SLC17A2: variants seen among roughly 807,000 people sequenced by gnomAD.
The protein encoded by SLC17A2 is solute carrier family 17 member 2, also known as sodium-dependent phosphate transport protein 3.
Under a neutral mutation model 52.1 loss-of-function variants are expected in SLC17A2, and 38 were observed. The observed-to-expected ratio is 0.73, with a 90% CI of 0.56 to 0.96. The LOEUF is 0.96. Ranked by LOEUF, SLC17A2 falls within the 40% of genes least tolerant of loss-of-function variation. The pLI is 0.00. For synonymous variants in SLC17A2, 226 were observed against 211.9 expected, an observed-to-expected ratio of 1.07 and a Z score of -0.58; for missense variants, 508 against 583.9, an observed-to-expected ratio of 0.87 and a Z score of 1.34.
chr6:25,923,575 CCAGT>C (rs1293908033), intron 3 of SLC17A2, 116 bp downstream of exon 3: 4 of 744,972 alleles, frequency 5.4e-6, no homozygotes, highest in Non-Finnish European at 9.1e-6. Flanking sequence ...AAAAATAGTT[CCAGT>C]CAGTTTTAAT....
In SLC17A2 at chr6:25,913,436, A is replaced by G. The variant is rs1766177779; in HGVS notation, c.1318T>C (p.Trp440Arg). Reference protein sequence around the residue: ...FLISQDFESGWRNVFFLSAAV... With the variant: ...FLISQDFESGRRNVFFLSAAV... ...GCAGACAGGAAAAAGACATTCCTCC[A>G]ACCAGACTCAAAATCCTAGATGTAA... The change falls in exon 12 of 12, where the codon TGG becomes CGG. Residue 440 changes from tryptophan to arginine, a missense_variant. Trp to Arg is a moderately radical substitution (Grantham distance 101). Coordinates refer to ENST00000377850, the MANE Select transcript of SLC17A2 (RefSeq NM_001286123.3). 1 of 1,614,070 alleles carries G rather than the reference A, an allele frequency of 6.2e-7. No individual in the cohort carries two copies. The highest frequency in any genetic ancestry group is 1.3e-5 in the African/African-American group (1 of 75,050).
intron 8 of SLC17A2, among the ~76,000 whole-genome samples, 181 bp from the exon 9 acceptor site, chr6:25,916,049 C>T (rs1386464404): frequency 6.6e-6 from 1 of 152,186 alleles, no homozygotes; most frequent in African/African-American, 2.4e-5. Context: ...AGCTGCATCA[C>T]TCTGGGCTCC....
At chr6:25,925,020 AAG>A (rs762837477) in intron 2 of SLC17A2, among the ~76,000 whole-genome samples, 8 of 151,906 alleles carry the variant, frequency 5.3e-5, no homozygotes, top group Non-Finnish European at 5.9e-5. Context: ...ACTAAAGTGA[AAG>A]AAAGAGAAAA....
intron 1 of SLC17A2, among the ~76,000 whole-genome samples, chr6:25,926,802 C>T (rs141146569): frequency 0.014 from 2,084 of 152,262 alleles, 95 homozygotes; most frequent in East Asian, 0.063. Flanking sequence ...TGCAGTGGCT[C>T]ACACCTGTAA....
chr6:25,923,784 G>C lies in SLC17A2; in HGVS notation c.151C>G (p.Gln51Glu), dbSNP rs1766648830. 4.3e-6 allele frequency: 7 copies of C among 1,614,050 alleles called. No homozygotes were observed. The highest frequency in any genetic ancestry group is 4.2e-6 in the Non-Finnish European group (5 of 1,180,028). The change falls in exon 3 of 12, where the codon CAG becomes GAG. Residue 51 changes from glutamine (Q) to glutamate (E), a missense_variant. Transcript: ENST00000377850. ...AIIAMVNTTQ[Q>E]QGLSNASTEG... ...GTGGAGGCATTAGATAGACCTTGCTGCTGAGTGGTGTTCACCATGGCGATG... is the reference window on the plus strand; with the variant it reads ...GTGGAGGCATTAGATAGACCTTGCTCCTGAGTGGTGTTCACCATGGCGATG...
At chr6:25,913,698 G>A (rs1766187898) in intron 11 of SLC17A2, among the ~76,000 whole-genome samples, 1 of 151,462 alleles carries the variant, frequency 6.6e-6, no homozygotes, top group Admixed American at 6.6e-5. Flanking sequence ...TGAAAATTTG[G>A]ATTTCAACAT....
intron 3 of SLC17A2, among the ~76,000 whole-genome samples, chr6:25,923,088 G>A (rs1010883189): frequency 2.6e-5 from 4 of 152,118 alleles, no homozygotes; most frequent in Non-Finnish European, 4.4e-5. Context: ...TTGGGAGGCC[G>A]AGACAGGAAA....
chr6:25,927,548 ATAAT>A (rs1377185202), intron 1 of SLC17A2, among the ~76,000 whole-genome samples: 1 of 152,226 alleles, frequency 6.6e-6, no homozygotes, highest in African/African-American at 2.4e-5. Context: ...GATTTTGTAA[ATAAT>A]TAGTAGATAC....
Position 25,914,573 on chromosome 6 carries a change from G to A in SLC17A2, c.1302+7C>T, listed in dbSNP as rs2071299. On this transcript the variant is annotated splice_region_variant and intron_variant, in intron 11 of 11. Coordinates refer to ENST00000377850, the MANE Select transcript of SLC17A2 (RefSeq NM_001286123.3). ...CCACTTGAAGATGTTCAATAAACTG[G>A]CCCAACCTGACTGATGAGGAATCCA... The A allele has an allele frequency of 0.39, 619,666 of 1,580,674 alleles. 127,350 individuals carry two copies. The highest frequency in any genetic ancestry group is 0.7 in the East Asian group (31,302 of 44,614).
intron 5 of SLC17A2, among the ~76,000 whole-genome samples, chr6:25,919,417 G>T: frequency 6.6e-6 from 1 of 152,030 alleles, no homozygotes. Context: ...ATAAGATTTA[G>T]GAAGTTTTGG....
chr6:25,914,533 C>CT, intron 11 of SLC17A2, 47 bp downstream of exon 11: 1 of 1,241,376 alleles, frequency 8.1e-7, no homozygotes, highest in Non-Finnish European at 1.2e-6. Flanking sequence ...TCTCCAACAC[C>CT]TAAAACAATA....
Position 25,916,949 on chromosome 6 carries a change from G to A in SLC17A2, c.768+20C>T. ...CTAGAGACCTCTGCATGGGCCACAGGTACAAGGTGTGCACTGTACCTGTTG... is the reference window on the plus strand; with the variant it reads ...CTAGAGACCTCTGCATGGGCCACAGATACAAGGTGTGCACTGTACCTGTTG... On this transcript the variant is annotated intron_variant, in intron 7 of 11. Coordinates refer to ENST00000377850, the MANE Select transcript of SLC17A2 (RefSeq NM_001286123.3). 1 of 1,606,392 alleles carries A rather than the reference G, an allele frequency of 6.2e-7. No homozygotes were observed. Among genetic ancestry groups the A allele is most frequent in the South Asian group, 1.1e-5 (1 of 87,942 alleles).
chr6:25,929,227 T>C (rs1033956386), intron 1 of SLC17A2, among the ~76,000 whole-genome samples: 1 of 152,148 alleles, frequency 6.6e-6, no homozygotes, highest in African/African-American at 2.4e-5. Flanking sequence ...CATTCCCAAA[T>C]TGAGTAAACC....
At chr6:25,918,635 C>T in intron 5 of SLC17A2, 62 bp from the exon 6 acceptor site, 1 of 1,081,048 alleles carries the variant, frequency 9.3e-7, no homozygotes, top group Non-Finnish European at 1.4e-6. Context: ...TCGTGGCCTC[C>T]CTAAACAATG....
Position 25,920,987 on chromosome 6 carries a change from C to T in SLC17A2, c.562+19G>A, listed in dbSNP as rs758310826. 1.9e-6 allele frequency: 3 copies of T among 1,605,640 alleles called. No individual in the cohort carries two copies. The highest frequency in any genetic ancestry group is 3.3e-5 in the Admixed American group (2 of 60,012). ...GATGGAACAGATGACAAAGCTATGA[C>T]CCATCTGTGCACACTTACCTGATCC... is the stretch of plus-strand genomic sequence containing the variant. On this transcript the variant is annotated intron_variant, in intron 5 of 11. Coordinates refer to ENST00000377850, the MANE Select transcript of SLC17A2 (RefSeq NM_001286123.3).
chr6:25,914,429 C>T (rs1276546975), intron 11 of SLC17A2, 151 bp downstream of exon 11: 3 of 614,592 alleles, frequency 4.9e-6, no homozygotes, highest in Admixed American at 3.0e-5. Context: ...TATTTTTCTT[C>T]CTCTGGGAAA....
At chr6:25,929,650 A>C (rs998604967) in intron 1 of SLC17A2, among the ~76,000 whole-genome samples, 1 of 152,136 alleles carries the variant, frequency 6.6e-6, no homozygotes, top group African/African-American at 2.4e-5. Flanking sequence ...TCATCTGCCT[A>C]TCTTTCTGAG....
intron 5 of SLC17A2, among the ~76,000 whole-genome samples, chr6:25,919,699 CAAAAAAAAAAA>C (rs766352177): frequency 5.5e-4 from 17 of 31,154 alleles, no homozygotes; most frequent in South Asian, 2.2e-3. Flanking sequence ...GACACCGTCT[CAAAAAAAAAAA>C]AAAAAAAAAA....
At chr6:25,914,726 G>T in intron 10 of SLC17A2, 56 bp from the exon 11 acceptor site, 1 of 1,100,774 alleles carries the variant, frequency 9.1e-7, no homozygotes, top group Non-Finnish European at 1.4e-6. Flanking sequence ...TACAGCTTCT[G>T]CAGCAACTCA....
Sources: allele counts gnomAD v4.1 joint callset (sites outside exome capture counted in the v4.1 genomes callset), GRCh38; gene constraint gnomAD v4.1.1; transcripts MANE v1.5; gene names NCBI Gene and HGNC (gene_info 2026-07-23, HGNC 2026-07-21).